Variants in KCNQ1 observed in about 807,000 individuals in gnomAD.
The protein encoded by KCNQ1 is potassium voltage-gated channel subfamily Q member 1.
Under a neutral mutation model 72.4 loss-of-function variants are expected in KCNQ1, and 49 were observed. The ratio of observed to expected loss-of-function variants is 0.68; its 90% CI spans 0.54 to 0.86. The LOEUF is 0.86. Ranked by LOEUF, KCNQ1 falls within the 40% of genes least tolerant of loss-of-function variation. KCNQ1 has a pLI of 0.00. For synonymous variants in KCNQ1, 450 were observed against 412.6 expected (o/e 1.09, Z -1.10); for missense variants, 790 against 945.1 (o/e 0.84, Z 2.15).
At position 2,678,648 on chromosome 11, in the gene KCNQ1, T is replaced by C; in HGVS notation, c.1514+16567T>C. 1 of 395,246 alleles carries C rather than the reference T, an allele frequency of 2.5e-6. No individual in the cohort carries two copies. The highest frequency in any genetic ancestry group is 4.4e-6 in the Non-Finnish European group (1 of 225,492). 24.5% of individuals were successfully genotyped at this position (395,246 alleles called of 1,614,324 possible). A position where few individuals can be genotyped will look rare whatever the true frequency, so the allele number is the denominator to read the frequency against. On this transcript the variant is annotated intron_variant, in intron 11 of 15. Coordinates refer to ENST00000155840, the MANE Select transcript of KCNQ1 (RefSeq NM_000218.3). The surrounding 1 kb of genome is among the most constrained non-coding windows in gnomAD (Gnocchi z 4.9). The stretch of plus-strand genomic sequence containing the variant: ...AGAGCCAATAATGGGAAGCTCATTT[T>C]CACAAATGCAGTCAACCAGGGGAAT...
intron 10 of KCNQ1, chr11:2,634,045 C>T: frequency 2.5e-6 from 1 of 398,214 alleles, no homozygotes; most frequent in Non-Finnish European, 4.4e-6. Flanking sequence ...TCTGCCTGCT[C>T]AGTATTGTTT....
At position 2,653,367 on chromosome 11, in the gene KCNQ1, T is replaced by G. The variant is rs988986395; in HGVS notation, c.1394-8594T>G. On this transcript the variant is annotated intron_variant, in intron 10 of 15. Transcript: ENST00000155840. This position sits in a 1 kb window ranked among gnomAD's most constrained non-coding sequence, Gnocchi z 5.3. ...GGCTCACACCTCACCCCCAACTTTG[T>G]CATGCACATTCCTGAAGACTCTCTT... 1 of 398,754 alleles carries G rather than the reference T, an allele frequency of 2.5e-6. No homozygotes were observed. 24.7% of individuals were successfully genotyped at this position (398,754 alleles called of 1,614,324 possible).
intron 11 of KCNQ1, among the ~76,000 whole-genome samples, chr11:2,728,058 C>T (rs1002005922): frequency 6.6e-6 from 1 of 152,202 alleles, no homozygotes; most frequent in Non-Finnish European, 1.5e-5. Context: ...CTCCTCCCTC[C>T]CCAGCCACTC....
Position 2,777,927 on chromosome 11 carries a change from C to T in KCNQ1, c.1733-49C>T, listed in dbSNP as rs141081994. On this transcript the variant is annotated intron_variant, in intron 14 of 15. Coordinates refer to ENST00000155840, the MANE Select transcript of KCNQ1 (RefSeq NM_000218.3). ...ACTTCCCAAGCCCAGCTGGGGTCCCCGGCCCACCCCAGCACTTGGCCCTGA... is the reference window on the plus strand; with the variant it reads ...ACTTCCCAAGCCCAGCTGGGGTCCCTGGCCCACCCCAGCACTTGGCCCTGA... The T allele has an allele frequency of 2.5e-4, 391 of 1,588,068 alleles. No individual in the cohort carries two copies. The African/African-American group carries it at 4.5e-3, about 18-fold the overall frequency.
At position 2,521,965 on chromosome 11, in the gene KCNQ1, C is replaced by T. The variant is rs540055420; in HGVS notation, c.387-5963C>T. 5.3e-5 allele frequency among the ~76,000 whole-genome samples: 8 copies of T among 152,328 alleles called. No individual in the cohort carries two copies. In the East Asian group the frequency reaches 1.6e-3, roughly 30 times the overall value. On this transcript the variant is annotated intron_variant, in intron 1 of 15. Transcript: ENST00000155840. ...CCGTGGAGCCCACCCAGGCCCGCTG[C>T]CTGCACCCCGGGGGAGCCCTCCCAC...
intron 1 of KCNQ1, among the ~76,000 whole-genome samples, chr11:2,501,718 C>CAAAAAAAAAAAAAAAAAAAAAAAAAAAA (rs55865890): frequency 1.5e-5 from 1 of 68,888 alleles, no homozygotes; most frequent in Non-Finnish European, 2.9e-5. Context: ...AAAGATACAT[C>CAAAAAAAAAAAAAAAAAAAAAAAAAAAA]AAAAAAAAAA....
chr11:2,663,539 A>C lies in KCNQ1; in HGVS notation c.1514+1458A>C. The C allele has an allele frequency of 2.5e-6, 1 of 398,360 alleles. No homozygotes were observed. Among genetic ancestry groups the C allele is most frequent in the East Asian group, 3.6e-5 (1 of 28,050 alleles). The allele number at this position is 398,360 out of a possible 1,614,324, so 24.7% of individuals were successfully genotyped here. A position where few individuals can be genotyped will look rare whatever the true frequency, so the allele number is the denominator to read the frequency against. The stretch of plus-strand genomic sequence containing the variant: ...TCTTGGCTGTCCCCTCAGAGAGGGG[A>C]CTGTCCCTTCTCATCCTTCTGGCTG... On this transcript the variant is annotated intron_variant, in intron 11 of 15. Coordinates refer to ENST00000155840, the MANE Select transcript of KCNQ1 (RefSeq NM_000218.3). The surrounding 1 kb of genome is among the most constrained non-coding windows in gnomAD (Gnocchi z 5.2).
intron 10 of KCNQ1, among the ~76,000 whole-genome samples, chr11:2,604,828 C>A (rs890462468): frequency 2.0e-5 from 3 of 152,184 alleles, no homozygotes; most frequent in Non-Finnish European, 4.4e-5. Flanking sequence ...CAGGTGTGAG[C>A]CACAGCACCT....
intron 11 of KCNQ1, chr11:2,672,530 C>T: frequency 2.5e-6 from 1 of 398,640 alleles, no homozygotes; most frequent in Non-Finnish European, 4.4e-6. Flanking sequence ...TCTCCATTAC[C>T]AGCCTGTCTT....
intron 10 of KCNQ1, chr11:2,631,400 C>T (rs1849350702): frequency 1.0e-5 from 4 of 398,276 alleles, no homozygotes; most frequent in Non-Finnish European, 1.8e-5. Context: ...ATTTCATGCA[C>T]TATATTCTTC....
In KCNQ1 at chr11:2,620,208, T is replaced by C. The variant is rs1388447411; in HGVS notation, c.1393+31354T>C. The C allele has an allele frequency of 9.7e-6, 3 of 307,912 alleles. No individual in the cohort carries two copies. The highest frequency in any genetic ancestry group is 1.7e-5 in the Non-Finnish European group (3 of 180,150). 19.1% of individuals were successfully genotyped at this position (307,912 alleles called of 1,614,324 possible). A position where few individuals can be genotyped will look rare whatever the true frequency, so the allele number is the denominator to read the frequency against. On this transcript the variant is annotated intron_variant, in intron 10 of 15. Transcript: ENST00000155840. This position sits in a 1 kb window ranked among gnomAD's most constrained non-coding sequence, Gnocchi z 4.5. ...ACGTAAGTTCATTCATGTATATATA[T>C]ATATTTTTTTTTTTTATTTTTTTTT...
chr11:2,760,154 C>A (rs1025188890), intron 11 of KCNQ1, among the ~76,000 whole-genome samples: 1 of 152,228 alleles, frequency 6.6e-6, no homozygotes, highest in Non-Finnish European at 1.5e-5. Flanking sequence ...CTGGGCAGCA[C>A]TGGGGGCTCC....
rs976669564 is a variant in KCNQ1 at position 2,526,243 on chromosome 11, G to A, written c.387-1685G>A. On this transcript the variant is annotated intron_variant, in intron 1 of 15. Coordinates refer to ENST00000155840, the MANE Select transcript of KCNQ1 (RefSeq NM_000218.3). The surrounding 1 kb of genome is among the most constrained non-coding windows in gnomAD (Gnocchi z 6.1). ...GCTGGGTGTGTGGGCTGGGGGCGCC[G>A]AGGGTGGAGGTGGGCACTGTGGTCA... Among the ~76,000 whole-genome samples, 4 of 152,172 alleles carry A rather than the reference G, an allele frequency of 2.6e-5. No individual in the cohort carries two copies. The highest frequency in any genetic ancestry group is 1.9e-4 in the East Asian group (1 of 5,154).
chr11:2,488,130 T>C lies in KCNQ1; in HGVS notation c.387-39798T>C, dbSNP rs2133622250. 6.6e-6 allele frequency among the ~76,000 whole-genome samples: 1 copy of C among 152,324 alleles called. No homozygotes were observed. Among genetic ancestry groups the C allele is most frequent in the Non-Finnish European group, 1.5e-5 (1 of 68,020 alleles). On this transcript the variant is annotated intron_variant, in intron 1 of 15. Coordinates refer to ENST00000155840, the MANE Select transcript of KCNQ1 (RefSeq NM_000218.3). The surrounding 1 kb of genome is among the most constrained non-coding windows in gnomAD (Gnocchi z 5.1). Reference sequence around the variant, plus strand: ...AATTGAGATCATGTGATCATGTGAGTGTTATTTCTTCATTCTGTTAATATG... The same window carrying C: ...AATTGAGATCATGTGATCATGTGAGCGTTATTTCTTCATTCTGTTAATATG...
At chr11:2,554,545 G>A (rs1848039935) in intron 2 of KCNQ1, among the ~76,000 whole-genome samples, 1 of 152,310 alleles carries the variant, frequency 6.6e-6, no homozygotes, top group Non-Finnish European at 1.5e-5. Flanking sequence ...AGGGGGCCTG[G>A]GCTGGGTGGT....
At chr11:2,584,294 CAT>C (rs1306157661) in intron 7 of KCNQ1, among the ~76,000 whole-genome samples, 1 of 152,018 alleles carries the variant, frequency 6.6e-6, no homozygotes, top group Non-Finnish European at 1.5e-5. Context: ...GTGCACATGA[CAT>C]GTAGACATGT....
Position 2,509,355 on chromosome 11 carries a change from C to A in KCNQ1, c.387-18573C>A, listed in dbSNP as rs529750906. Among the ~76,000 whole-genome samples, 12 of 152,302 alleles carry A rather than the reference C, an allele frequency of 7.9e-5. No individual in the cohort carries two copies. The highest frequency in any genetic ancestry group is 2.9e-4 in the African/African-American group (12 of 41,548). Reference sequence around the variant, plus strand: ...CATGTTCAAGTTCAGCATCTCTGCACCCCTTGCCTGGCAAACCCCATCTTC... The same window carrying A: ...CATGTTCAAGTTCAGCATCTCTGCAACCCTTGCCTGGCAAACCCCATCTTC... On this transcript the variant is annotated intron_variant, in intron 1 of 15. Transcript: ENST00000155840. The surrounding 1 kb of genome is among the most constrained non-coding windows in gnomAD (Gnocchi z 6.3).
Position 2,516,252 on chromosome 11 carries a change from T to A in KCNQ1, c.387-11676T>A, listed in dbSNP as rs891986723. Among the ~76,000 whole-genome samples the A allele has an allele frequency of 9.2e-5, 14 of 152,176 alleles. No individual in the cohort carries two copies. Among genetic ancestry groups the A allele is most frequent in the African/African-American group, 3.4e-4 (14 of 41,514 alleles). On this transcript the variant is annotated intron_variant, in intron 1 of 15. Transcript: ENST00000155840. This position sits in a 1 kb window ranked among gnomAD's most constrained non-coding sequence, Gnocchi z 7.0. Reference sequence around the variant, plus strand: ...CCCTTAACCTCTCTGAGCTTCCTCCTCTCCTGTGAACAAAGGATGGGTCCA... The same window carrying A: ...CCCTTAACCTCTCTGAGCTTCCTCCACTCCTGTGAACAAAGGATGGGTCCA...
chr11:2,453,720 T>C (rs541582143), intron 1 of KCNQ1, among the ~76,000 whole-genome samples: 1 of 152,346 alleles, frequency 6.6e-6, no homozygotes, highest in African/African-American at 2.4e-5. Flanking sequence ...CTGTCTTCAC[T>C]GACCTGTGAC....
Sources: gnomAD v4.1 joint callset for allele counts (sites outside exome capture counted in the v4.1 genomes callset) on GRCh38, gnomAD v4.1.1 for gene constraint, Gnocchi (gnomAD v3.1) non-coding constraint, MANE v1.5 for transcripts, NCBI Gene and HGNC (gene_info 2026-07-23, HGNC 2026-07-21) for gene names.